The following ELMO1 variants were observed in gnomAD, a reference collection of about 807,000 sequenced individuals.
ELMO1 encodes engulfment and cell motility 1, also known as engulfment and cell motility protein 1.
Under a neutral mutation model 98.9 loss-of-function variants are expected in ELMO1, and 26 were observed. That is an observed-to-expected ratio of 0.26 (90% CI 0.19 to 0.36). ELMO1 has a LOEUF of 0.36. Ranked by LOEUF, ELMO1 falls within the 10% of genes least tolerant of loss-of-function variation. The pLI is 1.00. For synonymous variants in ELMO1, 346 were observed against 346.0 expected (o/e 1.00, Z 0.00); for missense variants, 627 against 935.2 (o/e 0.67, Z 4.30).
At chr7:37,232,308 T>C (rs1794222342) in intron 8 of ELMO1, among the ~76,000 whole-genome samples, 1 of 152,122 alleles carries the variant, frequency 6.6e-6, no homozygotes, top group South Asian at 2.1e-4. Context: ...CCTAATACAG[T>C]AGTAGGGAGG....
At chr7:37,249,481 A>T (rs1294553411) in intron 6 of ELMO1, among the ~76,000 whole-genome samples, 1 of 152,218 alleles carries the variant, frequency 6.6e-6, no homozygotes, top group African/African-American at 2.4e-5. Context: ...TTTTGGAGAA[A>T]TGACCTCAAT....
intron 1 of ELMO1, among the ~76,000 whole-genome samples, chr7:37,395,518 A>G (rs1208946838): frequency 6.6e-6 from 1 of 152,146 alleles, no homozygotes; most frequent in African/African-American, 2.4e-5. Flanking sequence ...TGATATATTT[A>G]CTTTTAAGGA....
intron 1 of ELMO1, among the ~76,000 whole-genome samples, chr7:37,385,005 C>G (rs1043791801): frequency 6.6e-5 from 10 of 152,170 alleles, no homozygotes; most frequent in African/African-American, 2.2e-4. Context: ...CCATACTTTG[C>G]TTTGAAGTTC....
chr7:37,158,864 T>C (rs911507721), intron 13 of ELMO1, among the ~76,000 whole-genome samples: 2 of 152,230 alleles, frequency 1.3e-5, no homozygotes, highest in African/African-American at 2.4e-5. Flanking sequence ...TGTATGTTTA[T>C]TGTGGCACTA....
chr7:37,261,164 T>C (rs1159382420), intron 5 of ELMO1, among the ~76,000 whole-genome samples: 1 of 152,218 alleles, frequency 6.6e-6, no homozygotes, highest in Non-Finnish European at 1.5e-5. Flanking sequence ...AAGCCACTAT[T>C]CTAAATACCT....
At chr7:37,077,921 T>C (rs58225745) in intron 15 of ELMO1, among the ~76,000 whole-genome samples, 18,199 of 152,132 alleles carry the variant, frequency 0.12, 1,249 homozygotes, top group Middle Eastern at 0.22. Flanking sequence ...GAAACCTACA[T>C]AGGAAGCATG....
intron 13 of ELMO1, chr7:37,204,128 G>C (rs2130345589): frequency 2.2e-6 from 1 of 456,490 alleles, no homozygotes; most frequent in East Asian, 7.0e-5. Flanking sequence ...ATAGGCATTA[G>C]TCTCACCGCC....
chr7:37,212,979 C>A (rs1380027286), intron 12 of ELMO1, among the ~76,000 whole-genome samples: 3 of 152,118 alleles, frequency 2.0e-5, no homozygotes, highest in African/African-American at 7.2e-5. Flanking sequence ...GAATCAATGC[C>A]ACATAGAGTC....
chr7:36,880,156 G>A (rs918707465), intron 18 of ELMO1, among the ~76,000 whole-genome samples: 8 of 152,212 alleles, frequency 5.3e-5, no homozygotes, highest in African/African-American at 1.9e-4. Flanking sequence ...TGATACGTTT[G>A]GCTGTGTGAG....
At chr7:36,991,496 T>C (rs1584486301) in intron 16 of ELMO1, among the ~76,000 whole-genome samples, 1 of 152,198 alleles carries the variant, frequency 6.6e-6, no homozygotes, top group African/African-American at 2.4e-5. Flanking sequence ...TATACAGTTA[T>C]CTCTAATCAT....
intron 4 of ELMO1, among the ~76,000 whole-genome samples, chr7:37,293,623 T>C (rs1797869249): frequency 1.9e-5 from 2 of 106,462 alleles, no homozygotes; most frequent in South Asian, 3.2e-4. Flanking sequence ...CCAGAGACCT[T>C]TGTTCACTTG....
At chr7:37,050,769 C>CA (rs34188455) in intron 15 of ELMO1, among the ~76,000 whole-genome samples, 12,872 of 132,982 alleles carry the variant, frequency 0.097, 802 homozygotes, top group African/African-American at 0.19. Context: ...ATACAATTAC[C>CA]AAAAAAAAAA....
intron 15 of ELMO1, among the ~76,000 whole-genome samples, chr7:37,019,908 C>T (rs1195907268): frequency 6.6e-6 from 1 of 152,120 alleles, no homozygotes; most frequent in Non-Finnish European, 1.5e-5. Flanking sequence ...TTGAAAGCAG[C>T]TATAACCTGA....
intron 17 of ELMO1, 97 bp from the exon 18 acceptor site, chr7:36,887,769 A>G: frequency 9.5e-7 from 1 of 1,054,542 alleles, no homozygotes; most frequent in Non-Finnish European, 1.4e-6. Context: ...GAACAAGTGC[A>G]TCTTTTCATG....
At chr7:37,225,762 GAAAAT>G (rs531863571) in intron 8 of ELMO1, among the ~76,000 whole-genome samples, 155 of 152,194 alleles carry the variant, frequency 1.0e-3, no homozygotes, top group South Asian at 4.6e-3. Context: ...AATGTGAGCG[GAAAAT>G]AAAATAGAGG....
chr7:37,061,258 A>C (rs1796652700), intron 15 of ELMO1, among the ~76,000 whole-genome samples: 2 of 152,228 alleles, frequency 1.3e-5, no homozygotes, highest in Admixed American at 1.3e-4. Flanking sequence ...CCTAGAGACC[A>C]GTTGGTCTGT....
intron 5 of ELMO1, among the ~76,000 whole-genome samples, chr7:37,267,194 A>G (rs1796310822): frequency 6.6e-6 from 1 of 152,056 alleles, no homozygotes. Context: ...CTGAATATAC[A>G]TACACTTCCC....
chr7:36,871,249 A>G (rs1170680967), intron 19 of ELMO1, among the ~76,000 whole-genome samples: 3 of 152,222 alleles, frequency 2.0e-5, no homozygotes, highest in Non-Finnish European at 4.4e-5. Flanking sequence ...CAGGTGAAAG[A>G]GGCTGGGAAC....
intron 15 of ELMO1, among the ~76,000 whole-genome samples, chr7:37,086,330 CTGTGTGTGTGTGTGTG>C (rs58906590): frequency 1.5e-4 from 22 of 143,182 alleles, no homozygotes; most frequent in African/African-American, 5.4e-4. Flanking sequence ...CAATACATGA[CTGTGTGTGTGTGTGTG>C]TGTGTGTGTG....
Sources: gnomAD v4.1 joint callset for allele counts (sites outside exome capture counted in the v4.1 genomes callset) on GRCh38, gnomAD v4.1.1 for gene constraint, MANE v1.5 for transcripts, NCBI Gene and HGNC (gene_info 2026-07-23, HGNC 2026-07-21) for gene names.